The following LRP1B variants were observed in gnomAD, a reference collection of about 807,000 sequenced individuals.
LRP1B encodes the protein low-density lipoprotein receptor-related protein 1B.
LRP1B carries 217 observed loss-of-function variants against 556.6 expected under a neutral mutation model. The observed-to-expected ratio is 0.39, with a 90% CI of 0.35 to 0.44. The LOEUF is 0.44. LRP1B is among the 20% of genes least tolerant of loss of function. LRP1B has a pLI of 1.00. For synonymous variants in LRP1B, 2,047 were observed against 1,865.8 expected, an observed-to-expected ratio of 1.10 and a Z score of -2.50; for missense variants, 5,053 against 5,620.8, an observed-to-expected ratio of 0.90 and a Z score of 3.23.
intron 2 of LRP1B, among the ~76,000 whole-genome samples, chr2:141,526,016 C>A (rs1684684423): frequency 6.6e-6 from 1 of 151,832 alleles, no homozygotes; most frequent in Non-Finnish European, 1.5e-5. Flanking sequence ...TATTATCTTC[C>A]AGTTCTTTAT....
chr2:141,247,491 C>T (rs2105328439), intron 4 of LRP1B, 137 bp from the exon 5 acceptor site: 1 of 885,036 alleles, frequency 1.1e-6, no homozygotes. Flanking sequence ...TTTTCAAAAC[C>T]ACACTAACTA....
intron 2 of LRP1B, among the ~76,000 whole-genome samples, chr2:141,624,045 A>AAAAAAAAAAAAAAAAAAAAAAAAAAC (rs1688612510): frequency 6.7e-6 from 1 of 149,260 alleles, no homozygotes; most frequent in Non-Finnish European, 1.5e-5. Flanking sequence ...ACAAAAAAAA[A>AAAAAAAAAAAAAAAAAAAAAAAAAAC]AAGAAAAGAA....
chr2:141,373,188 C>A (rs116664272), intron 3 of LRP1B, among the ~76,000 whole-genome samples: 10 of 151,876 alleles, frequency 6.6e-5, no homozygotes, highest in Non-Finnish European at 1.3e-4. Flanking sequence ...AGTTTTAATC[C>A]ACTGTGGTCT....
chr2:140,657,705 G>A (rs1471132278), intron 41 of LRP1B, among the ~76,000 whole-genome samples: 1 of 149,336 alleles, frequency 6.7e-6, no homozygotes, highest in Non-Finnish European at 1.5e-5. Context: ...GGAATCATCA[G>A]TAAGCTAGAA....
chr2:141,502,661 C>A (rs1683764401), intron 2 of LRP1B, among the ~76,000 whole-genome samples: 2 of 151,826 alleles, frequency 1.3e-5, no homozygotes, highest in Admixed American at 6.6e-5. Flanking sequence ...GAGATCGAGA[C>A]CATCCTGGCC....
intron 1 of LRP1B, among the ~76,000 whole-genome samples, chr2:141,824,030 A>G (rs887601774): frequency 1.3e-5 from 2 of 152,166 alleles, no homozygotes; most frequent in Non-Finnish European, 2.9e-5. Context: ...GTTTAGAAAT[A>G]AGGTTAAATA....
intron 23 of LRP1B, 129 bp downstream of exon 23, chr2:140,902,791 C>T: frequency 1.1e-6 from 1 of 939,132 alleles, no homozygotes; most frequent in East Asian, 2.6e-5. Flanking sequence ...TCTAAAATAA[C>T]ACATTATAGT....
In LRP1B at chr2:140,681,513, C is replaced by T. The variant is rs117232566; in HGVS notation, c.6799+18737G>A. Among the ~76,000 whole-genome samples, 297 of 152,210 alleles carry T rather than the reference C, an allele frequency of 2.0e-3. 3 individuals carry two copies. In the East Asian group the frequency reaches 0.029, roughly 15 times the overall value. Reference sequence around the variant, plus strand: ...GAGATGAGTGCAAGGAATACTATTACTTATAAAATGATAGCGCTTTTAATA... The same window carrying T: ...GAGATGAGTGCAAGGAATACTATTATTTATAAAATGATAGCGCTTTTAATA... On this transcript the variant is annotated intron_variant, in intron 41 of 90. Transcript: ENST00000389484.
At chr2:140,654,859 T>C (rs1283144154) in intron 41 of LRP1B, among the ~76,000 whole-genome samples, 1 of 152,200 alleles carries the variant, frequency 6.6e-6, no homozygotes, top group Non-Finnish European at 1.5e-5. Context: ...CACTCAACTC[T>C]ATGCTAGTTT....
intron 2 of LRP1B, among the ~76,000 whole-genome samples, chr2:141,617,891 AT>A (rs34005417): frequency 0.24 from 36,999 of 152,056 alleles, 5,549 homozygotes; most frequent in Non-Finnish European, 0.34. Flanking sequence ...TAATTATTTT[AT>A]TTTAAGGCTT....
In LRP1B at chr2:140,893,871, A is replaced by G. The variant is rs151061191; in HGVS notation, c.3767-7536T>C. On this transcript the variant is annotated intron_variant, in intron 23 of 90. Coordinates refer to ENST00000389484, the MANE Select transcript of LRP1B (RefSeq NM_018557.3). The stretch of plus-strand genomic sequence containing the variant: ...TCTTAGTCATGCATATACTATCATT[A>G]CTCATGATGAAAATAGCAATAATGT... 1.4e-4 allele frequency among the ~76,000 whole-genome samples: 21 copies of G among 152,314 alleles called. 1 individual carries two copies. The Middle Eastern group carries it at 0.01, about 74-fold the overall frequency.
chr2:141,139,979 G>T (rs1701602530), intron 7 of LRP1B, among the ~76,000 whole-genome samples: 1 of 151,844 alleles, frequency 6.6e-6, no homozygotes, highest in Non-Finnish European at 1.5e-5. Flanking sequence ...ACAAACTGTG[G>T]TATATATGTA....
intron 2 of LRP1B, among the ~76,000 whole-genome samples, chr2:141,528,553 T>A (rs537499476): frequency 7.2e-5 from 11 of 152,254 alleles, no homozygotes; most frequent in African/African-American, 2.6e-4. Context: ...CAAATAAAGA[T>A]ATAAACATGC....
chr2:141,295,821 T>C (rs1223094478), intron 3 of LRP1B, among the ~76,000 whole-genome samples: 1 of 143,386 alleles, frequency 7.0e-6, no homozygotes, highest in Non-Finnish European at 1.5e-5. Context: ...CTCTAATTCT[T>C]GCCAAGCTTA....
chr2:140,514,727 C>A lies in LRP1B; in HGVS notation c.8195G>T (p.Cys2732Phe). 1 of 1,612,148 alleles carries A rather than the reference C, an allele frequency of 6.2e-7. No individual in the cohort carries two copies. Among genetic ancestry groups the A allele is most frequent in the East Asian group, 2.2e-5 (1 of 44,766 alleles). Reference sequence around the variant, plus strand: ...ATCACAAATCCAATGCTTAGAAATACATTTTTGTGCGGAACAAGCAAATTG... The same window carrying A: ...ATCACAAATCCAATGCTTAGAAATAAATTTTTGTGCGGAACAAGCAAATTG... The part of the protein sequence containing the change: ...WNQFACSAQK[C>F]ISKHWICDGE... The change falls in exon 51 of 91, where the codon TGT (cysteine) becomes TTT (phenylalanine). Residue 2732 changes from cysteine (C) to phenylalanine (F), a missense_variant. Coordinates refer to ENST00000389484, the MANE Select transcript of LRP1B (RefSeq NM_018557.3).
intron 7 of LRP1B, among the ~76,000 whole-genome samples, chr2:141,185,905 C>T (rs1276875453): frequency 6.6e-6 from 1 of 151,188 alleles, no homozygotes; most frequent in East Asian, 2.0e-4. Context: ...GTGGTGAAAC[C>T]CCATCTCTAC....
chr2:141,976,186 A>C (rs1315686782), intron 1 of LRP1B, among the ~76,000 whole-genome samples: 1 of 152,110 alleles, frequency 6.6e-6, no homozygotes, highest in Non-Finnish European at 1.5e-5. Context: ...TAAGTGAAAA[A>C]GGTGGAACAT....
intron 3 of LRP1B, among the ~76,000 whole-genome samples, chr2:141,415,255 C>T (rs541464549): frequency 1.3e-4 from 20 of 152,280 alleles, no homozygotes; most frequent in Admixed American, 3.9e-4. Context: ...CCTTGTGATC[C>T]GCCTGCCTCG....
chr2:140,745,985 G>A (rs546388125), intron 35 of LRP1B, among the ~76,000 whole-genome samples: 197 of 152,220 alleles, frequency 1.3e-3, no homozygotes, highest in Admixed American at 2.0e-3. Context: ...TATATCAGAT[G>A]GGTAATTCTG....
Sources: allele counts gnomAD v4.1 joint callset (sites outside exome capture counted in the v4.1 genomes callset), GRCh38; gene constraint gnomAD v4.1.1; transcripts MANE v1.5; gene names NCBI Gene and HGNC (gene_info 2026-07-23, HGNC 2026-07-21).